The following RAPGEF6 variants were observed in gnomAD, a reference collection of about 807,000 sequenced individuals.
The protein encoded by RAPGEF6 is PDZ domain containing guanine nucleotide exchange factor (GEF) 2.
In RAPGEF6, 56 loss-of-function variants were observed where a neutral mutation model predicts 171.4. The ratio of observed to expected loss-of-function variants is 0.33; its 90% CI spans 0.26 to 0.41. The LOEUF (loss-of-function observed/expected upper bound fraction) is 0.41. Ranked by LOEUF, RAPGEF6 falls within the 10% of genes least tolerant of loss-of-function variation. The pLI is 1.00. For missense variants in RAPGEF6, 1,674 were observed against 1,921.4 expected, an observed-to-expected ratio of 0.87 and a Z score of 2.41; for synonymous variants, 692 against 650.1, an observed-to-expected ratio of 1.06 and a Z score of -0.98.
rs553445791 is a variant in RAPGEF6, at chr5:131,634,533, T to A, written c.69+429A>T. Reference sequence around the variant, plus strand: ...TTAAACTAACTTTGAAAACTTTATCTTTTTTTTAGGCAACTGTACAATATT... The same window carrying A: ...TTAAACTAACTTTGAAAACTTTATCATTTTTTTAGGCAACTGTACAATATT... On this transcript the variant is annotated intron_variant, in intron 1 of 27. Transcript: ENST00000509018. 3.0e-4 allele frequency among the ~76,000 whole-genome samples: 45 copies of A among 152,180 alleles called. 1 individual carries two copies. In the South Asian group the frequency reaches 9.3e-3, roughly 32 times the overall value.
At chr5:131,452,138 T>G (rs1241521886) in intron 21 of RAPGEF6, among the ~76,000 whole-genome samples, 1 of 151,134 alleles carries the variant, frequency 6.6e-6, no homozygotes, top group Non-Finnish European at 1.5e-5. Context: ...GAGAATGGCG[T>G]GAACCCGGGA....
At chr5:131,518,149 C>T (rs1208173420) in intron 7 of RAPGEF6, among the ~76,000 whole-genome samples, 3 of 151,694 alleles carry the variant, frequency 2.0e-5, no homozygotes, top group Admixed American at 6.6e-5. Flanking sequence ...TTTAAGTATA[C>T]AGGTATATAT....
intron 4 of RAPGEF6, among the ~76,000 whole-genome samples, chr5:131,584,034 G>T (rs528660385): frequency 6.6e-6 from 1 of 152,160 alleles, no homozygotes; most frequent in African/African-American, 2.4e-5. Flanking sequence ...AAGGAAGGGA[G>T]CAGGGAACTA....
chr5:131,570,688 A>G (rs1762225261), intron 4 of RAPGEF6, among the ~76,000 whole-genome samples: 5 of 152,212 alleles, frequency 3.3e-5, no homozygotes, highest in African/African-American at 1.2e-4. Context: ...AAACTAGATT[A>G]AAAAACTATA....
chr5:131,527,976 C>A lies in RAPGEF6; in HGVS notation c.496-6455G>T, dbSNP rs960026271. Among the ~76,000 whole-genome samples the A allele has an allele frequency of 2.7e-5, 4 of 147,784 alleles. No individual in the cohort carries two copies. The Admixed American group carries it at 2.8e-4, about 10-fold the overall frequency. ...CTTGCAGTGAGCCGAAACTGCGCCA[C>A]TGCACTCCAGCCTGGGGGACAGAGT... On this transcript the variant is annotated intron_variant, in intron 6 of 27. Transcript: ENST00000509018.
Position 131,479,620 on chromosome 5 carries a change from C to T in RAPGEF6, c.1974G>A (p.Glu658=), listed in dbSNP as rs763758654. 1 of 1,614,038 alleles carries T rather than the reference C, an allele frequency of 6.2e-7. No individual in the cohort carries two copies. Among genetic ancestry groups the T allele is most frequent in the East Asian group, 2.2e-5 (1 of 44,858 alleles). ...TTGCTTTAACTTTCTTACTTCCTTTCTCCTGTGATGTCTGTTCAATATCTC... is the reference window on the plus strand; with the variant it reads ...TTGCTTTAACTTTCTTACTTCCTTTTTCCTGTGATGTCTGTTCAATATCTC... ...VPGDIEQTSQ[E]KGSKKVKANT... The change falls in exon 16 of 28, where the codon GAG becomes GAA. Residue 658 remains glutamate (E), a synonymous_variant. Coordinates refer to ENST00000509018, the MANE Select transcript of RAPGEF6 (RefSeq NM_016340.6).
At chr5:131,440,164 G>GTGGGTA in intron 23 of RAPGEF6, 1 of 454,302 alleles carries the variant, frequency 2.2e-6, no homozygotes, top group Non-Finnish European at 4.4e-6. Flanking sequence ...CATCTGTGCT[G>GTGGGTA]TGGGTATACG....
At chr5:131,560,062 A>G (rs1761498178) in intron 5 of RAPGEF6, among the ~76,000 whole-genome samples, 1 of 152,172 alleles carries the variant, frequency 6.6e-6, no homozygotes, top group Non-Finnish European at 1.5e-5. Context: ...GTTTTCTCCT[A>G]TAACTCATAA....
chr5:131,593,569 T>C (rs953802203), intron 3 of RAPGEF6, among the ~76,000 whole-genome samples: 1 of 152,212 alleles, frequency 6.6e-6, no homozygotes, highest in African/African-American at 2.4e-5. Flanking sequence ...TAGAGACTTG[T>C]TGAATGCTTT....
At chr5:131,489,524 C>G (rs374452452) in intron 15 of RAPGEF6, 22 bp downstream of exon 15, 1 of 1,392,482 alleles carries the variant, frequency 7.2e-7, no homozygotes, top group Middle Eastern at 1.8e-4. Context: ...AGAGTTCAGG[C>G]AATTTTTACA....
Position 131,516,402 on chromosome 5 carries a change from T to C in RAPGEF6, c.627+4988A>G, listed in dbSNP as rs1461131049. 2.0e-5 allele frequency among the ~76,000 whole-genome samples: 3 copies of C among 152,112 alleles called. No homozygotes were observed. In the East Asian group the frequency reaches 5.8e-4, roughly 29 times the overall value. ...GTAAGAGAACATGTGGTGACTTGAG[T>C]TGACAAAAGAACATACTGGTGAAAA... On this transcript the variant is annotated intron_variant, in intron 7 of 27. Transcript: ENST00000509018.
chr5:131,449,995 T>A (rs746988611), intron 21 of RAPGEF6: 5 of 1,531,122 alleles, frequency 3.3e-6, no homozygotes, highest in Non-Finnish European at 4.4e-6. Flanking sequence ...ACAACCTTCA[T>A]TCCAGTTGCG....
intron 6 of RAPGEF6, among the ~76,000 whole-genome samples, chr5:131,526,432 T>C (rs973352304): frequency 6.6e-6 from 1 of 152,164 alleles, no homozygotes; most frequent in African/African-American, 2.4e-5. Context: ...CAGGGTCACA[T>C]GGCTAGGAAA....
At chr5:131,464,310 A>AT (rs746302750) in intron 17 of RAPGEF6, 29 bp from the exon 18 acceptor site, 255 of 1,586,138 alleles carry the variant, frequency 1.6e-4, no homozygotes, top group Non-Finnish European at 1.4e-4. Context: ...ATGCTTTGTT[A>AT]TTTTTTAAAA....
intron 4 of RAPGEF6, among the ~76,000 whole-genome samples, chr5:131,566,735 CTTTTT>C (rs544613086): frequency 7.0e-6 from 1 of 143,234 alleles, no homozygotes; most frequent in Non-Finnish European, 1.5e-5. Context: ...GTTTCTTTTT[CTTTTT>C]TTTTTTTGAG....
intron 16 of RAPGEF6, 34 bp from the exon 17 acceptor site, chr5:131,472,778 T>C: frequency 1.3e-6 from 2 of 1,559,142 alleles, no homozygotes; most frequent in Non-Finnish European, 8.8e-7. Flanking sequence ...CTTTAAAGTA[T>C]TTGAGAGTAC....
chr5:131,614,515 A>T (rs1765152321), intron 1 of RAPGEF6, among the ~76,000 whole-genome samples: 1 of 152,154 alleles, frequency 6.6e-6, no homozygotes, highest in Non-Finnish European at 1.5e-5. Context: ...ACATGCTTTT[A>T]AACAACTCAA....
intron 1 of RAPGEF6, among the ~76,000 whole-genome samples, chr5:131,607,370 T>C (rs1006239833): frequency 8.5e-5 from 13 of 152,238 alleles, no homozygotes; most frequent in African/African-American, 3.1e-4. Context: ...AACCAAATTC[T>C]AGCCCTAATC....
At chr5:131,429,720 A>T (rs1437695027) in intron 26 of RAPGEF6, among the ~76,000 whole-genome samples, 1 of 152,100 alleles carries the variant, frequency 6.6e-6, no homozygotes, top group East Asian at 1.9e-4. Flanking sequence ...TAGCATATAA[A>T]CTTTAACTTT....
Sources: gnomAD v4.1 joint callset for allele counts (sites outside exome capture counted in the v4.1 genomes callset) on GRCh38, gnomAD v4.1.1 for gene constraint, MANE v1.5 for transcripts, NCBI Gene and HGNC (gene_info 2026-07-23, HGNC 2026-07-21) for gene names.